FAM53A: variants seen among roughly 807,000 people sequenced by gnomAD.
The protein encoded by FAM53A is protein FAM53A.
Under a neutral mutation model 26.6 loss-of-function variants are expected in FAM53A, and 28 were observed. That is an observed-to-expected ratio of 1.05 (90% CI 0.78 to 1.45). The LOEUF is 1.45. Among genes scored for constraint, FAM53A ranks in the 40% most tolerant of loss-of-function variants. FAM53A has a pLI of 0.00. For missense variants in FAM53A, 650 were observed against 575.8 expected (o/e 1.13, Z -1.32); for synonymous variants, 290 against 253.1 (o/e 1.15, Z -1.38).
At chr4:1,603,063 C>T in the FAM53A span, among the ~76,000 whole-genome samples, 4 of 152,206 alleles carry the variant, frequency 2.6e-5, no homozygotes, top group East Asian at 1.9e-4. Flanking sequence ...TCAGAGGTTG[C>T]GTCCTCTCGC....
exon 2 of FAM53A, chr4:1,617,988 G>A (rs1054185823): frequency 2.2e-6 from 1 of 455,702 alleles, no homozygotes; most frequent in Admixed American, 2.3e-5. Context: ...ACTGACGTGT[G>A]TCACGAATGC....
rs1711623562 is a variant in FAM53A at position 1,640,870 on chromosome 4, CTG to C, written c.*421_*422del. ...CCGACCAGCTCACAGGAAACCTACT[CTG>C]TGCCCTGGGGCAGGTGCAGGCAGCA... On this transcript the variant is annotated 3_prime_UTR_variant, in exon 5 of 5. Coordinates refer to ENST00000308132, the MANE Select transcript of FAM53A (RefSeq NM_001174070.3). 2.5e-6 allele frequency: 1 copy of C among 405,148 alleles called. No individual in the cohort carries two copies. The highest frequency in any genetic ancestry group is 4.7e-6 in the Non-Finnish European group (1 of 211,936). The allele number at this position is 405,148 out of a possible 1,614,324, so 25.1% of individuals were successfully genotyped here.
intron 4 of FAM53A, chr4:1,645,103 T>A (rs1712120856): frequency 6.6e-6 from 1 of 152,030 alleles, no homozygotes; most frequent in South Asian, 2.1e-4. Flanking sequence ...GGGTGGGGGG[T>A]GCTCCCCAAG....
chr4:1,646,933 C>T (rs1712300180), intron 4 of FAM53A, among the ~76,000 whole-genome samples: 1 of 152,230 alleles, frequency 6.6e-6, no homozygotes, highest in Non-Finnish European at 1.5e-5. Context: ...AAACCAGCAG[C>T]TGCTTCCACA....
chr4:1,681,369 G>A (rs908575955), intron 1 of FAM53A, among the ~76,000 whole-genome samples: 1 of 152,120 alleles, frequency 6.6e-6, no homozygotes, highest in East Asian at 1.9e-4. Context: ...AGCCCCACAA[G>A]GTCGATGGGT....
chr4:1,621,935 G>T (rs1325905171), intron 1 of FAM53A, among the ~76,000 whole-genome samples: 9 of 152,228 alleles, frequency 5.9e-5, no homozygotes, highest in Non-Finnish European at 1.3e-4. Flanking sequence ...GATGGGAAGT[G>T]TTTGGGTCGG....
At chr4:1,583,151 A>C in the FAM53A span, among the ~76,000 whole-genome samples, 1 of 152,198 alleles carries the variant, frequency 6.6e-6, no homozygotes, top group African/African-American at 2.4e-5. Flanking sequence ...GGGTGAACAC[A>C]CTGTGGGTGC....
chr4:1,680,536 C>G (rs2109074028), intron 1 of FAM53A, among the ~76,000 whole-genome samples: 1 of 152,214 alleles, frequency 6.6e-6, no homozygotes, highest in East Asian at 1.9e-4. Flanking sequence ...ATGCCCATAG[C>G]AGCTGTATCC....
At chr4:1,644,505 G>T in intron 4 of FAM53A, 1 of 910,644 alleles carries the variant, frequency 1.1e-6, no homozygotes, top group Non-Finnish European at 1.6e-6. Context: ...TAGAGACGGT[G>T]GAAACCGAGG....
In FAM53A at chr4:1,655,252, C is replaced by T; in HGVS notation, c.608G>A (p.Gly203Asp). The change falls in exon 4 of 5, where the codon GGC becomes GAC. Residue 203 changes from glycine to aspartate, a missense_variant. Physicochemically the swap from Gly to Asp is moderately conservative, Grantham distance 94 (BLOSUM62 -1). Transcript: ENST00000308132. ...CGCGGAACACCAGAGCGGGCCTGAG[C>T]CCGCACTGCCCTCGCTGCTGTCCAC... is the stretch of plus-strand genomic sequence containing the variant. Reference protein sequence around the residue: ...GFVDSSEGSAGSGPLWCSAES... With the variant: ...GFVDSSEGSADSGPLWCSAES... The T allele has an allele frequency of 6.8e-7, 1 of 1,468,802 alleles. No individual in the cohort carries two copies. Among genetic ancestry groups the T allele is most frequent in the Non-Finnish European group, 8.9e-7 (1 of 1,119,390 alleles). The allele number at this position is 1,468,802 out of a possible 1,614,324, so 91.0% of individuals were successfully genotyped here.
At chr4:1,682,114 A>G (rs897354733) in intron 1 of FAM53A, among the ~76,000 whole-genome samples, 1 of 152,208 alleles carries the variant, frequency 6.6e-6, no homozygotes, top group Non-Finnish European at 1.5e-5. Flanking sequence ...ATTAAACTAC[A>G]TAACACATGT....
intron 1 of FAM53A, among the ~76,000 whole-genome samples, chr4:1,678,011 G>A (rs533704461): frequency 2.6e-5 from 4 of 152,220 alleles, no homozygotes; most frequent in South Asian, 2.1e-4. Context: ...TGATATTACA[G>A]GAGAAGAACA....
intron 2 of FAM53A, among the ~76,000 whole-genome samples, chr4:1,666,479 G>A (rs1241329784): frequency 6.6e-6 from 1 of 152,150 alleles, no homozygotes; most frequent in Non-Finnish European, 1.5e-5. Context: ...AAGCACAGAG[G>A]TCGTGGGGGC....
upstream of FAM53A, among the ~76,000 whole-genome samples, chr4:1,685,847 CCTGTGCCCGGGG>C (rs1285318836): frequency 6.6e-6 from 1 of 152,142 alleles, no homozygotes; most frequent in African/African-American, 2.4e-5. Context: ...GATGAGGGCA[CCTGTGCCCGGGG>C]CGAGGCTCTG....
chr4:1,678,128 G>A (rs1039557035), intron 1 of FAM53A, among the ~76,000 whole-genome samples: 2 of 152,132 alleles, frequency 1.3e-5, no homozygotes, highest in Admixed American at 6.5e-5. Context: ...TCCCTGTACT[G>A]TGGAAGGCTT....
downstream of FAM53A, chr4:1,617,885 C>T (rs1009176556): frequency 1.1e-5 from 4 of 377,426 alleles, no homozygotes; most frequent in African/African-American, 6.3e-5. Context: ...GCCTGCATGT[C>T]AGGAGCACCC....
At chr4:1,634,787 T>G (rs1402556989) in intron 1 of FAM53A, among the ~76,000 whole-genome samples, 3 of 151,792 alleles carry the variant, frequency 2.0e-5, no homozygotes, top group Non-Finnish European at 4.4e-5. Context: ...GTAATCCCAG[T>G]TACTCGGGAG....
At chr4:1,617,354 T>C (rs1714847401), downstream of FAM53A, among the ~76,000 whole-genome samples, 1 of 152,180 alleles carries the variant, frequency 6.6e-6, no homozygotes, top group Non-Finnish European at 1.5e-5. Flanking sequence ...GTTGCTGTTC[T>C]AGGTTATTAC....
At chr4:1,605,346 T>TCCCAGGAGCAAGTGCTCAGGAGAA in the FAM53A span, among the ~76,000 whole-genome samples, 74 of 152,048 alleles carry the variant, frequency 4.9e-4, no homozygotes, top group African/African-American at 1.7e-3. This position sits in a 1 kb window ranked among gnomAD's most constrained non-coding sequence, Gnocchi z 5.7. Context: ...CAGCTCCAGG[T>TCCCAGGAGCAAGTGCTCAGGAGAA]CCCAGGAGCA....
Sources: allele counts gnomAD v4.1 joint callset (sites outside exome capture counted in the v4.1 genomes callset), GRCh38; gene constraint gnomAD v4.1.1; non-coding constraint Gnocchi (gnomAD v3.1); transcripts MANE v1.5; gene names NCBI Gene and HGNC (gene_info 2026-07-23, HGNC 2026-07-21).